CD109: variants seen among roughly 807,000 people sequenced by gnomAD.
CD109 encodes the protein CD109 molecule, also known as CD109 antigen.
CD109 carries 149 observed loss-of-function variants against 165.8 expected under a neutral mutation model. That is an observed-to-expected ratio of 0.90 (90% CI 0.79 to 1.03). CD109 has a LOEUF of 1.03. Among genes scored for constraint, CD109 ranks in the 50% least tolerant of loss-of-function variants. The pLI is 0.00. For missense variants in CD109, 1,712 were observed against 1,677.8 expected, an observed-to-expected ratio of 1.02 and a Z score of -0.36; for synonymous variants, 585 against 592.1, an observed-to-expected ratio of 0.99 and a Z score of 0.18.
intron 23 of CD109, among the ~76,000 whole-genome samples, chr6:73,799,136 T>C (rs1364248384): frequency 6.6e-6 from 1 of 152,180 alleles, no homozygotes; most frequent in African/African-American, 2.4e-5. Flanking sequence ...ATTATTTTGC[T>C]TCTCTGTGAT....
intron 2 of CD109, among the ~76,000 whole-genome samples, chr6:73,715,576 A>AG (rs1771709107): frequency 6.6e-6 from 1 of 151,914 alleles, no homozygotes. Context: ...AAAAAAAAAA[A>AG]AAAAAAAGGT....
intron 2 of CD109, among the ~76,000 whole-genome samples, chr6:73,710,781 G>A (rs1166623640): frequency 2.0e-5 from 3 of 152,020 alleles, no homozygotes; most frequent in Non-Finnish European, 2.9e-5. Flanking sequence ...CACAGGGGTC[G>A]GCAAAATTTC....
chr6:73,772,397 C>T (rs1361469940), intron 15 of CD109, among the ~76,000 whole-genome samples: 2 of 148,516 alleles, frequency 1.3e-5, no homozygotes, highest in African/African-American at 2.5e-5. Context: ...CCCAGCTACT[C>T]GGGAGGCTGA....
intron 22 of CD109, among the ~76,000 whole-genome samples, chr6:73,790,301 G>T (rs1046797874): frequency 6.6e-6 from 1 of 151,708 alleles, no homozygotes; most frequent in African/African-American, 2.4e-5. Context: ...TCACCATGTT[G>T]GCCAGGCTGG....
Position 73,730,521 on chromosome 6 carries a change from A to G in CD109, c.454A>G (p.Thr152Ala), listed in dbSNP as rs138148675. ...PKQEVKFRIVTLFSDFKPYKT... is the reference protein window; with the variant it reads ...PKQEVKFRIVALFSDFKPYKT... Reference sequence around the variant, plus strand: ...GCAAGAAGTGAAGTTTCGCATTGTTACACTCTTCTCAGATTTTAAGCCTTA... The same window carrying G: ...GCAAGAAGTGAAGTTTCGCATTGTTGCACTCTTCTCAGATTTTAAGCCTTA... The change falls in exon 4 of 33, where the codon ACA becomes GCA. Residue 152 changes from threonine to alanine, a missense_variant. Thr to Ala is a moderately conservative substitution (Grantham distance 58). Coordinates refer to ENST00000287097, the MANE Select transcript of CD109 (RefSeq NM_133493.5). The G allele has an allele frequency of 1.6e-4, 258 of 1,613,996 alleles. No individual in the cohort carries two copies. The highest frequency in any genetic ancestry group is 2.1e-4 in the Non-Finnish European group (248 of 1,179,976).
At chr6:73,723,692 G>A (rs1485225898) in intron 3 of CD109, among the ~76,000 whole-genome samples, 2 of 152,110 alleles carry the variant, frequency 1.3e-5, no homozygotes, top group African/African-American at 2.4e-5. Context: ...GCTGAATGAT[G>A]AGAACACATG....
intron 14 of CD109, among the ~76,000 whole-genome samples, chr6:73,769,271 A>G (rs1174540175): frequency 6.6e-6 from 1 of 152,230 alleles, no homozygotes; most frequent in African/African-American, 2.4e-5. Flanking sequence ...TTAGCTTATG[A>G]AAAGAGTTCT....
At chr6:73,752,238 T>G (rs1260250204) in intron 5 of CD109, among the ~76,000 whole-genome samples, 1 of 152,234 alleles carries the variant, frequency 6.6e-6, no homozygotes, top group African/African-American at 2.4e-5. Context: ...TAAAATATAT[T>G]TTTTAATGGT....
chr6:73,749,542 A>G (rs13199198), intron 5 of CD109, among the ~76,000 whole-genome samples: 76,518 of 151,946 alleles, frequency 0.5, 19,672 homozygotes, highest in African/African-American at 0.61. Flanking sequence ...TCAGGCTGAA[A>G]TTTTGTATTT....
At chr6:73,789,977 G>C (rs1261369858) in intron 22 of CD109, among the ~76,000 whole-genome samples, 1 of 151,298 alleles carries the variant, frequency 6.6e-6, no homozygotes, top group Non-Finnish European at 1.5e-5. Context: ...GGCCAGGCTG[G>C]TCTCGAACCC....
At position 73,730,397 on chromosome 6, in the gene CD109, C is replaced by G. The variant is rs972091957; in HGVS notation, c.330C>G (p.Thr110=). ...ATGAGCTACGTGTAACCGGACGTAC[C>G]CAGGATGAGATTTTATTCTCTAATA... is the stretch of plus-strand genomic sequence containing the variant. The part of the protein sequence containing the change: ...EIYELRVTGR[T]QDEILFSNST... Residue 110 remains threonine, a synonymous_variant, in exon 4 of 33, where the codon ACC becomes ACG. Transcript: ENST00000287097. The G allele has an allele frequency of 1.9e-6, 3 of 1,613,858 alleles. No individual in the cohort carries two copies. The highest frequency in any genetic ancestry group is 2.5e-6 in the Non-Finnish European group (3 of 1,179,940).
At position 73,810,191 on chromosome 6, in the gene CD109, T is replaced by TAAAGGGAAAAAAC; in HGVS notation, c.3546+17_3546+18insAAAGGGAAAAAAC. ...TCTACTCAGGTGAGAGATGATAGTT[T>TAAAGGGAAAAAAC]TTTCCCTTTAAACTATAATATATAA... On this transcript the variant is annotated intron_variant, in intron 27 of 32. Transcript: ENST00000287097. 7.0e-7 allele frequency: 1 copy of TAAAGGGAAAAAAC among 1,436,756 alleles called. No individual in the cohort carries two copies. The highest frequency in any genetic ancestry group is 9.3e-7 in the Non-Finnish European group (1 of 1,074,788). The allele number at this position is 1,436,756 out of a possible 1,614,324, so 89.0% of individuals were successfully genotyped here.
At chr6:73,696,386 A>G (rs1223818678) in intron 1 of CD109, 97 bp downstream of exon 1, 15 of 1,065,918 alleles carry the variant, frequency 1.4e-5, no homozygotes, top group Non-Finnish European at 1.9e-5. Context: ...GCTGCTGTGC[A>G]GCAGCGGGTG....
At chr6:73,800,820 T>C (rs2150284065) in intron 23 of CD109, among the ~76,000 whole-genome samples, 1 of 152,302 alleles carries the variant, frequency 6.6e-6, no homozygotes. Flanking sequence ...TGTATATACA[T>C]GTAAGTAATA....
intron 15 of CD109, among the ~76,000 whole-genome samples, chr6:73,773,892 C>T (rs1774139564): frequency 6.6e-6 from 1 of 151,840 alleles, no homozygotes; most frequent in Non-Finnish European, 1.5e-5. Context: ...CTTTTACTTC[C>T]TCCTTCACAT....
chr6:73,791,136 C>CATATATATATAT (rs61429872), intron 22 of CD109, among the ~76,000 whole-genome samples: 5 of 56,334 alleles, frequency 8.9e-5, no homozygotes, highest in South Asian at 8.9e-4. Context: ...TACATACATA[C>CATATATATATAT]ATATATATAT....
At chr6:73,792,969 A>G (rs550688733) in intron 23 of CD109, among the ~76,000 whole-genome samples, 167 bp downstream of exon 23, 1 of 152,196 alleles carries the variant, frequency 6.6e-6, no homozygotes, top group Admixed American at 6.5e-5. Flanking sequence ...AGCTGTTACA[A>G]TTCTTCCTTT....
intron 2 of CD109, among the ~76,000 whole-genome samples, chr6:73,721,295 G>C (rs1735209336): frequency 6.6e-6 from 1 of 152,072 alleles, no homozygotes; most frequent in Admixed American, 6.5e-5. Flanking sequence ...TTCAAAGTGA[G>C]TGTGCACACG....
chr6:73,760,513 T>TA (rs1414552818), intron 7 of CD109, among the ~76,000 whole-genome samples: 1 of 139,632 alleles, frequency 7.2e-6, no homozygotes, highest in Admixed American at 7.4e-5. Context: ...ATAAAATTAA[T>TA]ACATAGAAAG....
Sources: allele counts gnomAD v4.1 joint callset (sites outside exome capture counted in the v4.1 genomes callset), GRCh38; gene constraint gnomAD v4.1.1; transcripts MANE v1.5; gene names NCBI Gene and HGNC (gene_info 2026-07-23, HGNC 2026-07-21).